Variants in EFHC1 observed in about 807,000 individuals in gnomAD.
EFHC1 encodes the protein EF-hand domain containing 1.
EFHC1 carries 53 observed loss-of-function variants against 69.9 expected under a neutral mutation model. The observed-to-expected ratio is 0.76, with a 90% confidence interval of 0.61 to 0.95. The LOEUF is 0.95. Among genes scored for constraint, EFHC1 ranks in the 40% least tolerant of loss-of-function variants. The pLI is 0.00. For missense variants in EFHC1, 739 were observed against 798.7 expected, an observed-to-expected ratio of 0.93 and a Z score of 0.90; for synonymous variants, 256 against 278.4, an observed-to-expected ratio of 0.92 and a Z score of 0.80.
intron 2 of EFHC1, 88 bp from the exon 3 acceptor site, chr6:52,438,207 CCCTGTGTGG>C (rs1282610738): frequency 4.4e-5 from 52 of 1,175,288 alleles, no homozygotes; most frequent in Non-Finnish European, 6.0e-5. Context: ...GTTAAAATCT[CCCTGTGTGG>C]TTCTGTTTTC....
intron 6 of EFHC1, among the ~76,000 whole-genome samples, chr6:52,467,734 T>C (rs1187871344): frequency 6.6e-6 from 1 of 152,218 alleles, no homozygotes; most frequent in Non-Finnish European, 1.5e-5. Flanking sequence ...ACATTAATTA[T>C]AGTGTTTGGT....
chr6:52,482,529 A>G (rs1351832468), intron 9 of EFHC1: 22 of 342,182 alleles, frequency 6.4e-5, no homozygotes, highest in African/African-American at 4.2e-5. Context: ...GCACTTGCCT[A>G]CTTCTCATTG....
chr6:52,476,602 A>G (rs757807616), intron 7 of EFHC1, among the ~76,000 whole-genome samples: 3 of 152,210 alleles, frequency 2.0e-5, no homozygotes, highest in Non-Finnish European at 4.4e-5. Context: ...TATTGACATC[A>G]TAAACTCCCT....
rs996802556 is a variant in EFHC1, at chr6:52,420,574, C to T, written c.63+101C>T. The T allele has an allele frequency of 1.8e-5, 25 of 1,408,798 alleles. No homozygotes were observed. The African/African-American group carries it at 3.4e-4, about 19-fold the overall frequency. 87.3% of individuals were successfully genotyped at this position (1,408,798 alleles called of 1,614,324 possible). A position where few individuals can be genotyped will look rare whatever the true frequency, so the allele number is the denominator to read the frequency against. Reference sequence around the variant, plus strand: ...TCCATTCCCCTCCACTCAAGTCTGTCTTCTCTCCAAACACGTCTTCTGTCC... The same window carrying T: ...TCCATTCCCCTCCACTCAAGTCTGTTTTCTCTCCAAACACGTCTTCTGTCC... On this transcript the variant is annotated intron_variant, in intron 1 of 10. Transcript: ENST00000371068.
chr6:52,420,632 G>T (rs1764168451), intron 1 of EFHC1, among the ~76,000 whole-genome samples, 159 bp downstream of exon 1: 2 of 152,018 alleles, frequency 1.3e-5, no homozygotes, highest in African/African-American at 4.8e-5. Flanking sequence ...CCGAACTTCT[G>T]CCGTTCTTCC....
intron 3 of EFHC1, among the ~76,000 whole-genome samples, chr6:52,442,839 TTTCTTGTTCTG>T (rs1172908479): frequency 2.0e-5 from 3 of 152,222 alleles, no homozygotes; most frequent in African/African-American, 7.2e-5. Context: ...TCATATGGTA[TTTCTTGTTCTG>T]GATCCTTGAG....
At chr6:52,448,673 C>T (rs558832456) in intron 3 of EFHC1, among the ~76,000 whole-genome samples, 8 of 152,246 alleles carry the variant, frequency 5.3e-5, no homozygotes, top group South Asian at 2.1e-4. Flanking sequence ...TGTTCCTGTT[C>T]GGCCATCCTG....
intron 2 of EFHC1, among the ~76,000 whole-genome samples, chr6:52,436,308 C>T (rs975545349): frequency 1.3e-5 from 2 of 152,104 alleles, no homozygotes; most frequent in Admixed American, 6.6e-5. Flanking sequence ...CACATTTCTC[C>T]TATGCACTTG....
chr6:52,438,338 T>C lies in EFHC1; in HGVS notation c.320T>C (p.Val107Ala). 1 of 1,613,758 alleles carries C rather than the reference T, an allele frequency of 6.2e-7. No homozygotes were observed. Among genetic ancestry groups the C allele is most frequent in the Non-Finnish European group, 8.5e-7 (1 of 1,179,886 alleles). The change falls in exon 3 of 11, where the codon GTT (valine) becomes GCT (alanine). Residue 107 changes from valine (V) to alanine (A), a missense_variant. Val to Ala is a moderately conservative substitution (Grantham distance 64). Transcript: ENST00000371068. ...LKFDAYFQED[V>A]PMSTEEQYRI... ...TTTGATGCCTATTTCCAAGAAGATG[T>C]TCCTATGTCAACTGAGGAACAGTAT...
At chr6:52,429,420 A>G (rs1233782085) in intron 2 of EFHC1, among the ~76,000 whole-genome samples, 1 of 152,112 alleles carries the variant, frequency 6.6e-6, no homozygotes, top group Non-Finnish European at 1.5e-5. Context: ...TGGCTTGCCA[A>G]TTATCCCAGC....
At position 52,453,056 on chromosome 6, in the gene EFHC1, G is replaced by A. The variant is rs528212602; in HGVS notation, c.723+219G>A. The A allele has an allele frequency of 1.1e-4, 161 of 1,508,440 alleles. No individual in the cohort carries two copies. In the African/African-American group the frequency reaches 1.1e-3, roughly 11 times the overall value. 93.4% of individuals were successfully genotyped at this position (1,508,440 alleles called of 1,614,324 possible). A position where few individuals can be genotyped will look rare whatever the true frequency, so the allele number is the denominator to read the frequency against. On this transcript the variant is annotated intron_variant, in intron 4 of 10. Transcript: ENST00000371068. ...GATCCAAAGAAGATCGTGGAGTTGC[G>A]GAGTTGTTTTGTGAACCTCACCAAA...
Position 52,493,960 on chromosome 6 carries a change from ACC to A in EFHC1, c.*1620_*1621del. 1 of 454,106 alleles carries A rather than the reference ACC, an allele frequency of 2.2e-6. No individual in the cohort carries two copies. The highest frequency in any genetic ancestry group is 1.6e-5 in the South Asian group (1 of 64,482). The allele number at this position is 454,106 out of a possible 1,614,324, so 28.1% of individuals were successfully genotyped here. A position where few individuals can be genotyped will look rare whatever the true frequency, so the allele number is the denominator to read the frequency against. Reference sequence around the variant, plus strand: ...TCCCTAACGAGCTCAGCCACTTGTAACCAGCTTATTGAAAGGGCTGTGAATGT... The same window carrying A: ...TCCCTAACGAGCTCAGCCACTTGTAAAGCTTATTGAAAGGGCTGTGAATGT... On this transcript the variant is annotated 3_prime_UTR_variant, in exon 11 of 11. Transcript: ENST00000371068.
At chr6:52,444,015 G>A (rs1421387985) in intron 3 of EFHC1, among the ~76,000 whole-genome samples, 1 of 152,170 alleles carries the variant, frequency 6.6e-6, no homozygotes. Flanking sequence ...TCCCTTGTAA[G>A]TTGGATTCCT....
chr6:52,453,622 CAAA>C (rs150509864), intron 4 of EFHC1: 2,004 of 1,032,402 alleles, frequency 1.9e-3, no homozygotes, highest in Admixed American at 7.4e-3. Flanking sequence ...GAAGCCTAGC[CAAA>C]AAAAAAAAAA....
chr6:52,473,025 T>G (rs1765471638), intron 7 of EFHC1, among the ~76,000 whole-genome samples: 1 of 152,224 alleles, frequency 6.6e-6, no homozygotes, highest in Non-Finnish European at 1.5e-5. Context: ...AATGTTTTTA[T>G]TTTTACAGAC....
At chr6:52,422,959 C>T (rs1562441727) in intron 1 of EFHC1, among the ~76,000 whole-genome samples, 1 of 152,144 alleles carries the variant, frequency 6.6e-6, no homozygotes, top group Non-Finnish European at 1.5e-5. Flanking sequence ...AATGACAGCA[C>T]CATAATCCAT....
intron 3 of EFHC1, among the ~76,000 whole-genome samples, chr6:52,450,167 G>A (rs1764883192): frequency 6.6e-6 from 1 of 152,118 alleles, no homozygotes; most frequent in African/African-American, 2.4e-5. Flanking sequence ...TCATCTGGGA[G>A]TGTGTTTGCT....
intron 1 of EFHC1, chr6:52,423,723 C>G (rs1581809198): frequency 2.8e-6 from 2 of 702,868 alleles, no homozygotes; most frequent in East Asian, 3.5e-5. Context: ...CCAGGCTGGT[C>G]TCGAACTCTG....
At chr6:52,422,832 C>T (rs1764219681) in intron 1 of EFHC1, among the ~76,000 whole-genome samples, 2 of 152,136 alleles carry the variant, frequency 1.3e-5, no homozygotes. Context: ...TCTTCATGCA[C>T]ATATTTCCAT....
Sources: allele counts gnomAD v4.1 joint callset (sites outside exome capture counted in the v4.1 genomes callset), GRCh38; gene constraint gnomAD v4.1.1; transcripts MANE v1.5; gene names NCBI Gene and HGNC (gene_info 2026-07-23, HGNC 2026-07-21).